FBXL7: variants seen among roughly 807,000 people sequenced by gnomAD.
FBXL7 encodes F-box and leucine rich repeat protein 7, also known as F-box/LRR-repeat protein 7.
FBXL7 carries 12 observed loss-of-function variants against 38.3 expected under a neutral mutation model. That is an observed-to-expected ratio of 0.31 (90% confidence interval 0.20 to 0.51). The LOEUF (loss-of-function observed/expected upper bound fraction) is 0.51. FBXL7 is among the 20% of genes least tolerant of loss of function. FBXL7 has a pLI of 0.98. For missense variants in FBXL7, 567 were observed against 676.4 expected (o/e 0.84, Z 1.79); for synonymous variants, 297 against 300.9 (o/e 0.99, Z 0.13).
At position 15,760,273 on chromosome 5, in the gene FBXL7, A is replaced by G. The variant is rs147199641; in HGVS notation, c.127+144201A>G. ...ATAGCTGATCATTCTGCAGTTATTC[A>G]TGTCATAGGAAAATGATTAGCTGTG... On this transcript the variant is annotated intron_variant, in intron 2 of 3. Coordinates refer to ENST00000504595, the MANE Select transcript of FBXL7 (RefSeq NM_012304.5). 2.2e-4 allele frequency among the ~76,000 whole-genome samples: 33 copies of G among 152,216 alleles called. 1 individual carries two copies. The highest frequency in any genetic ancestry group is 7.0e-4 in the African/African-American group (29 of 41,524).
chr5:15,707,056 A>C (rs1561093646), intron 2 of FBXL7, among the ~76,000 whole-genome samples: 2 of 152,080 alleles, frequency 1.3e-5, no homozygotes, highest in Non-Finnish European at 2.9e-5. Context: ...CCGACCTGGA[A>C]CTGTGAGTGA....
intron 1 of FBXL7, among the ~76,000 whole-genome samples, chr5:15,516,816 C>T (rs1181783899): frequency 2.0e-5 from 3 of 152,044 alleles, no homozygotes; most frequent in African/African-American, 7.2e-5. Flanking sequence ...GGCATTTCTC[C>T]TTGCTGCTGC....
rs570317411 is a variant in FBXL7 at position 15,802,700 on chromosome 5, C to CT, written c.128-125189dup. ...ACAGAGTCTCATGCTGTTGTCCAGG[C>CT]TGGAGTACAGTAGCATGATCTTGGC... On this transcript the variant is annotated intron_variant, in intron 2 of 3. Coordinates refer to ENST00000504595, the MANE Select transcript of FBXL7 (RefSeq NM_012304.5). 3.4e-3 allele frequency among the ~76,000 whole-genome samples: 518 copies of CT among 151,534 alleles called. 1 individual carries two copies. The highest frequency in any genetic ancestry group is 5.9e-3 in the Non-Finnish European group (400 of 67,920).
intron 1 of FBXL7, among the ~76,000 whole-genome samples, chr5:15,577,288 T>A (rs1738997748): frequency 6.6e-6 from 1 of 152,160 alleles, no homozygotes; most frequent in Non-Finnish European, 1.5e-5. Flanking sequence ...CACCATGGTA[T>A]CTGGGTTCTT....
At chr5:15,540,282 A>G (rs1737706287) in intron 1 of FBXL7, among the ~76,000 whole-genome samples, 1 of 152,300 alleles carries the variant, frequency 6.6e-6, no homozygotes, top group Non-Finnish European at 1.5e-5. Context: ...TTAAATTTGC[A>G]TGTCTTTTAC....
chr5:15,774,043 AC>A (rs1579451373), intron 2 of FBXL7, among the ~76,000 whole-genome samples: 3 of 151,710 alleles, frequency 2.0e-5, no homozygotes, highest in Non-Finnish European at 4.4e-5. Flanking sequence ...ACAAAAAAAA[AC>A]CCCACAAGCC....
intron 1 of FBXL7, among the ~76,000 whole-genome samples, chr5:15,574,659 A>G (rs1254609739): frequency 1.3e-5 from 2 of 152,176 alleles, no homozygotes; most frequent in Non-Finnish European, 2.9e-5. Context: ...CTGGTATTTA[A>G]TATGTAATGG....
chr5:15,864,953 C>G (rs1739642177), intron 2 of FBXL7, among the ~76,000 whole-genome samples: 1 of 152,190 alleles, frequency 6.6e-6, no homozygotes, highest in African/African-American at 2.4e-5. Context: ...TTCCTTTAGG[C>G]TGGCTAAATT....
At chr5:15,912,521 G>A (rs551600679) in intron 2 of FBXL7, among the ~76,000 whole-genome samples, 1 of 151,970 alleles carries the variant, frequency 6.6e-6, no homozygotes, top group African/African-American at 2.4e-5. Flanking sequence ...GACCGGAGCT[G>A]TTCCTATTTG....
chr5:15,561,110 T>G (rs1356423665), intron 1 of FBXL7, among the ~76,000 whole-genome samples: 1 of 152,184 alleles, frequency 6.6e-6, no homozygotes, highest in East Asian at 1.9e-4. Context: ...AAAGAGTTTC[T>G]TAGCAGTTTC....
chr5:15,659,133 G>T (rs2126581648), intron 2 of FBXL7, among the ~76,000 whole-genome samples: 2 of 152,252 alleles, frequency 1.3e-5, no homozygotes, highest in South Asian at 4.1e-4. Context: ...AGCAGTGGGA[G>T]AACGGACTGA....
At chr5:15,790,913 G>T (rs1264510912) in intron 2 of FBXL7, among the ~76,000 whole-genome samples, 3 of 152,102 alleles carry the variant, frequency 2.0e-5, no homozygotes. Context: ...AATTAAACAG[G>T]CTTGTAGTCA....
intron 2 of FBXL7, among the ~76,000 whole-genome samples, chr5:15,732,007 C>T (rs551634085): frequency 6.6e-6 from 1 of 152,300 alleles, no homozygotes; most frequent in South Asian, 2.1e-4. Flanking sequence ...AATGCATGAA[C>T]AGATGGAGGA....
chr5:15,730,336 G>A (rs191015400), intron 2 of FBXL7, among the ~76,000 whole-genome samples: 27 of 152,022 alleles, frequency 1.8e-4, no homozygotes, highest in Admixed American at 6.5e-4. Context: ...AAAATGTGCC[G>A]CCCACGTATA....
intron 2 of FBXL7, among the ~76,000 whole-genome samples, chr5:15,706,719 G>A (rs1743690524): frequency 6.6e-6 from 1 of 152,172 alleles, no homozygotes; most frequent in African/African-American, 2.4e-5. Flanking sequence ...ACCTGGAAGT[G>A]GGTTAAAAGT....
At chr5:15,664,910 G>T (rs1235727928) in intron 2 of FBXL7, among the ~76,000 whole-genome samples, 2 of 149,040 alleles carry the variant, frequency 1.3e-5, no homozygotes, top group Admixed American at 6.7e-5. Context: ...TCTTTATCTT[G>T]ACATCATTTT....
intron 2 of FBXL7, among the ~76,000 whole-genome samples, chr5:15,682,410 A>T (rs1233753739): frequency 7.2e-5 from 11 of 152,206 alleles, no homozygotes; most frequent in Admixed American, 7.2e-4. Context: ...GGGTGAACAT[A>T]CAACATTCAT....
intron 1 of FBXL7, among the ~76,000 whole-genome samples, chr5:15,536,162 T>C (rs1737576058): frequency 6.6e-6 from 1 of 152,230 alleles, no homozygotes; most frequent in Non-Finnish European, 1.5e-5. Context: ...AGAGTATGTA[T>C]GCAAACGTCT....
intron 2 of FBXL7, among the ~76,000 whole-genome samples, chr5:15,861,207 A>G (rs979672467): frequency 6.6e-6 from 1 of 152,228 alleles, no homozygotes; most frequent in Admixed American, 6.5e-5. Flanking sequence ...CTTATAATTC[A>G]GACACAGGCA....
Sources: gnomAD v4.1 joint callset for allele counts (sites outside exome capture counted in the v4.1 genomes callset) on GRCh38, gnomAD v4.1.1 for gene constraint, MANE v1.5 for transcripts, NCBI Gene and HGNC (gene_info 2026-07-23, HGNC 2026-07-21) for gene names.